Variants in ZFYVE28 observed in about 807,000 individuals in gnomAD.
The protein encoded by ZFYVE28 is zinc finger FYVE-type containing 28.
Under a neutral mutation model 82.1 loss-of-function variants are expected in ZFYVE28, and 40 were observed. The observed-to-expected ratio is 0.49, with a 90% CI of 0.38 to 0.63. ZFYVE28 has a LOEUF of 0.63. Ranked by LOEUF, ZFYVE28 falls within the 30% of genes least tolerant of loss-of-function variation. The pLI is 0.00. For missense variants in ZFYVE28, 1,321 were observed against 1,242.1 expected, an observed-to-expected ratio of 1.06 and a Z score of -0.96; for synonymous variants, 612 against 546.1, an observed-to-expected ratio of 1.12 and a Z score of -1.68.
intron 1 of ZFYVE28, among the ~76,000 whole-genome samples, chr4:2,398,473 C>T (rs1019326099): frequency 3.3e-5 from 5 of 152,136 alleles, no homozygotes; most frequent in African/African-American, 1.2e-4. Context: ...CAGGTTTTCA[C>T]CTATATGGGA....
In ZFYVE28 at chr4:2,290,203, G is replaced by C. The variant is rs147076167; in HGVS notation, c.2051+14086C>G. 8.6e-3 allele frequency among the ~76,000 whole-genome samples: 1,317 copies of C among 152,330 alleles called. 21 individuals carry two copies. Among genetic ancestry groups the C allele is most frequent in the African/African-American group, 0.03 (1,244 of 41,562 alleles). Reference sequence around the variant, plus strand: ...GCCCATGCTGGCAACCCGGAGCCCAGAGAGAGCAGCCCATATGGGGATGGC... The same window carrying C: ...GCCCATGCTGGCAACCCGGAGCCCACAGAGAGCAGCCCATATGGGGATGGC... On this transcript the variant is annotated intron_variant, in intron 8 of 12. Transcript: ENST00000290974.
chr4:2,276,187 C>G (rs1473628015), intron 8 of ZFYVE28, among the ~76,000 whole-genome samples: 2 of 151,818 alleles, frequency 1.3e-5, no homozygotes, highest in Non-Finnish European at 2.9e-5. Context: ...TGCACGGGGC[C>G]CCCTCCCTCA....
chr4:2,307,056 C>T (rs1473668945), intron 7 of ZFYVE28: 2 of 152,312 alleles, frequency 1.3e-5, no homozygotes, highest in Admixed American at 1.3e-4. Context: ...TGGCTTGCCC[C>T]AGGCCCTCGA....
chr4:2,323,401 C>T (rs750169702), intron 6 of ZFYVE28, among the ~76,000 whole-genome samples: 2 of 151,954 alleles, frequency 1.3e-5, no homozygotes, highest in Non-Finnish European at 2.9e-5. Flanking sequence ...GGTTGTTTGT[C>T]GATTTGTTGT....
At chr4:2,327,279 T>G (rs1214307432) in intron 6 of ZFYVE28, among the ~76,000 whole-genome samples, 1 of 33,340 alleles carries the variant, frequency 3.0e-5, no homozygotes, top group African/African-American at 8.9e-5. Flanking sequence ...TATATATATA[T>G]ATATATATAT....
rs149634583 is a variant in ZFYVE28 at position 2,344,157 on chromosome 4, G to A, written c.181-2542C>T. ...GGAGAGGGAACTCGGATGGAACCAA[G>A]GCAGTTAGGATTCAGAGAGCAGGAG... On this transcript the variant is annotated intron_variant, in intron 2 of 12. Transcript: ENST00000290974. Among the ~76,000 whole-genome samples, 735 of 152,342 alleles carry A rather than the reference G, an allele frequency of 4.8e-3. 3 individuals are homozygous for A. Among genetic ancestry groups the A allele is most frequent in the Middle Eastern group, 0.014 (4 of 294 alleles).
At chr4:2,336,434 T>C (rs1395820476) in intron 5 of ZFYVE28, among the ~76,000 whole-genome samples, 1 of 152,214 alleles carries the variant, frequency 6.6e-6, no homozygotes, top group African/African-American at 2.4e-5. Context: ...TTTCAAATCT[T>C]CCAAACACCA....
rs754805866 is a variant in ZFYVE28 at position 2,305,435 on chromosome 4, C to T, written c.905G>A (p.Gly302Glu). 27 of 1,612,760 alleles carry T rather than the reference C, an allele frequency of 1.7e-5. No individual in the cohort carries two copies. The highest frequency in any genetic ancestry group is 2.2e-5 in the Non-Finnish European group (26 of 1,179,996). Residue 302 changes from glycine to glutamate, a missense_variant, in exon 8 of 13, where the codon GGA becomes GAA. Around this residue, in one of 2 missense-constraint regions of ZFYVE28, gnomAD observed 978 missense variants for 833.7 expected, o/e 1.17. Transcript: ENST00000290974. ...GAGGGCAGGCGCCAGGGCAGCGGGT[C>T]CCTGCACGTCTGCGCGGATGGGGAA... ...VEFPIRADVQGPAALAPALSA... is the reference protein window; with the variant it reads ...VEFPIRADVQEPAALAPALSA...
rs535195315 is a variant in ZFYVE28, at chr4:2,298,242, C to T, written c.2051+6047G>A. On this transcript the variant is annotated intron_variant, in intron 8 of 12. Coordinates refer to ENST00000290974, the MANE Select transcript of ZFYVE28 (RefSeq NM_020972.3). The stretch of plus-strand genomic sequence containing the variant: ...GATGAGCGGTGACAGTGGGGTGACA[C>T]GGTGACACAGTGACACAGCGGGCTG... Among the ~76,000 whole-genome samples, 14 of 148,896 alleles carry T rather than the reference C, an allele frequency of 9.4e-5. No individual in the cohort carries two copies. The South Asian group carries it at 1.9e-3, about 21-fold the overall frequency.
chr4:2,364,228 A>G (rs563793319), intron 1 of ZFYVE28, among the ~76,000 whole-genome samples: 9 of 152,112 alleles, frequency 5.9e-5, no homozygotes, highest in African/African-American at 2.2e-4. Context: ...AACTCTGCCC[A>G]CCCGGCCTGG....
chr4:2,358,975 C>CT (rs34020284), intron 1 of ZFYVE28, among the ~76,000 whole-genome samples: 20,502 of 125,736 alleles, frequency 0.16, 2,287 homozygotes, highest in African/African-American at 0.29. Context: ...CCAATTTTTT[C>CT]TTTTTTTTTT....
intron 8 of ZFYVE28, chr4:2,285,569 C>T (rs914377606): frequency 3.9e-5 from 6 of 152,354 alleles, no homozygotes; most frequent in Admixed American, 2.6e-4. Context: ...CTGTGTGACT[C>T]GCCTTCCCAA....
At position 2,273,255 on chromosome 4, in the gene ZFYVE28, A is replaced by G. The variant is rs1032538329; in HGVS notation, c.2241T>C (p.Ser747=). The change falls in exon 10 of 13, where the codon AGT becomes AGC. Residue 747 remains serine (S), a synonymous_variant. Transcript: ENST00000290974. ...GTGTTTTAAGAATACTTCTCAGGTC[A>G]CTGGCATAGTTCGTCTGCAGCTGGT... ...VADQLQTNYA[S]DLRSILKTLF... is the part of the protein sequence containing the mutation. The G allele has an allele frequency of 6.2e-7, 1 of 1,613,514 alleles. No homozygotes were observed. Among genetic ancestry groups the G allele is most frequent in the Non-Finnish European group, 8.5e-7 (1 of 1,179,870 alleles).
Position 2,271,399 on chromosome 4 carries a change from A to T in ZFYVE28, c.2444T>A (p.Val815Glu), listed in dbSNP as rs372694302. 1 of 1,612,786 alleles carries T rather than the reference A, an allele frequency of 6.2e-7. No individual in the cohort carries two copies. Among genetic ancestry groups the T allele is most frequent in the East Asian group, 2.2e-5 (1 of 44,872 alleles). ...GCAGAAGCCACAGGCCTCGTCTGGC[A>T]CCCACTCCGGGGGGTCTGTCACAAC... ...DGDFEDPPEW[V>E]PDEACGFCTA... The change falls in exon 12 of 13, where the codon GTG becomes GAG. Residue 815 changes from valine to glutamate, a missense_variant. Val to Glu is a moderately radical substitution (Grantham distance 121). Around this residue, in one of 2 missense-constraint regions of ZFYVE28, gnomAD observed 978 missense variants for 833.7 expected, o/e 1.17. Transcript: ENST00000290974.
chr4:2,402,308 G>A (rs1731276271), intron 1 of ZFYVE28, among the ~76,000 whole-genome samples: 1 of 152,140 alleles, frequency 6.6e-6, no homozygotes, highest in South Asian at 2.1e-4. Flanking sequence ...GCTTGGATCA[G>A]TAAGTCGGCC....
intron 11 of ZFYVE28, 49 bp downstream of exon 11, chr4:2,271,626 C>T (rs775746932): frequency 1.9e-6 from 3 of 1,575,554 alleles, no homozygotes; most frequent in East Asian, 4.5e-5. Context: ...GCTCCCACAG[C>T]CCCCACTGGT....
At chr4:2,271,646 AGT>A in intron 11 of ZFYVE28, 27 bp downstream of exon 11, 1 of 1,604,390 alleles carries the variant, frequency 6.2e-7, no homozygotes, top group South Asian at 1.1e-5. Context: ...TGTCTAGTGC[AGT>A]GTCCTGACCC....
At chr4:2,407,129 T>C (rs1732011062) in intron 1 of ZFYVE28, among the ~76,000 whole-genome samples, 1 of 152,104 alleles carries the variant, frequency 6.6e-6, no homozygotes, top group Middle Eastern at 3.2e-3. Context: ...GGCCCCACCA[T>C]TGCACCTTGC....
chr4:2,401,709 C>T (rs1029988022), intron 1 of ZFYVE28, among the ~76,000 whole-genome samples: 4 of 152,314 alleles, frequency 2.6e-5, no homozygotes, highest in East Asian at 3.9e-4. Flanking sequence ...CTCGCCGCCC[C>T]GCACCGCAGT....
Sources: gnomAD v4.1 joint callset for allele counts (sites outside exome capture counted in the v4.1 genomes callset) on GRCh38, gnomAD v4.1.1 for gene constraint, gnomAD v4.1.1 regional missense constraint, MANE v1.5 for transcripts, NCBI Gene and HGNC (gene_info 2026-07-23, HGNC 2026-07-21) for gene names.